The following NRXN3 variants were observed in gnomAD, a reference collection of about 807,000 sequenced individuals.
The protein encoded by NRXN3 is neurexin III.
In NRXN3, 32 loss-of-function variants were observed where a neutral mutation model predicts 137.6. The ratio of observed to expected loss-of-function variants is 0.23; its 90% CI spans 0.18 to 0.31. The LOEUF (loss-of-function observed/expected upper bound fraction) is 0.31. NRXN3 is among the 10% of genes least tolerant of loss of function. The pLI is 1.00. For missense variants in NRXN3, 1,574 were observed against 2,062.5 expected (o/e 0.76, Z 4.59); for synonymous variants, 798 against 784.5 (o/e 1.02, Z -0.29).
At chr14:79,178,105 G>T (rs925197135) in intron 15 of NRXN3, among the ~76,000 whole-genome samples, 15 of 152,182 alleles carry the variant, frequency 9.9e-5, no homozygotes, top group African/African-American at 3.6e-4. Context: ...CACTGGGTGG[G>T]CTGGAGCTAG....
chr14:78,655,712 A>G (rs1169840555), intron 6 of NRXN3, among the ~76,000 whole-genome samples: 1 of 152,178 alleles, frequency 6.6e-6, no homozygotes, highest in Admixed American at 6.5e-5. Context: ...TGATAACCTC[A>G]TGGAGCTCTG....
At chr14:79,357,801 C>T (rs1007492068) in intron 15 of NRXN3, among the ~76,000 whole-genome samples, 12 of 152,306 alleles carry the variant, frequency 7.9e-5, no homozygotes, top group African/African-American at 2.9e-4. Flanking sequence ...ATGAATGCCA[C>T]TCATAGAATT....
At chr14:78,293,939 A>G (rs1289231808) in intron 3 of NRXN3, among the ~76,000 whole-genome samples, 1 of 152,200 alleles carries the variant, frequency 6.6e-6, no homozygotes, top group Non-Finnish European at 1.5e-5. Context: ...AAAAGTCCTT[A>G]CCAATGCACT....
chr14:79,404,951 G>A (rs184724046), intron 15 of NRXN3, among the ~76,000 whole-genome samples: 3 of 152,122 alleles, frequency 2.0e-5, no homozygotes, highest in African/African-American at 2.4e-5. Flanking sequence ...CCAGTGGGTG[G>A]TGGTGAGAGA....
chr14:78,980,789 C>A (rs550650581), intron 14 of NRXN3, among the ~76,000 whole-genome samples: 49 of 152,256 alleles, frequency 3.2e-4, no homozygotes, highest in African/African-American at 1.0e-3. Context: ...GTACTAACAC[C>A]ATTGACATCT....
At chr14:79,530,360 A>T (rs1018965635) in intron 16 of NRXN3, among the ~76,000 whole-genome samples, 18 of 152,280 alleles carry the variant, frequency 1.2e-4, no homozygotes, top group African/African-American at 3.8e-4. Context: ...ATCAAAATTT[A>T]AAAAATTTTA....
intron 4 of NRXN3, among the ~76,000 whole-genome samples, chr14:78,306,817 G>A (rs1429637989): frequency 2.0e-5 from 3 of 152,114 alleles, no homozygotes; most frequent in Non-Finnish European, 4.4e-5. Flanking sequence ...GAGAGCCAAC[G>A]ATATGCTAGG....
chr14:79,047,679 G>A (rs2099635046), intron 15 of NRXN3, among the ~76,000 whole-genome samples: 1 of 152,138 alleles, frequency 6.6e-6, no homozygotes, highest in Admixed American at 6.5e-5. Context: ...CCCATGCAAA[G>A]ATATTCCACA....
At chr14:78,235,023 T>TATATATATATATATATAA (rs61371349) in intron 1 of NRXN3, among the ~76,000 whole-genome samples, 30 of 98,692 alleles carry the variant, frequency 3.0e-4, no homozygotes, top group African/African-American at 1.3e-3. Flanking sequence ...TATATATATA[T>TATATATATATATATATAA]GTGTATATAT....
intron 16 of NRXN3, among the ~76,000 whole-genome samples, chr14:79,573,768 A>G (rs902998803): frequency 1.3e-5 from 2 of 152,122 alleles, no homozygotes; most frequent in Non-Finnish European, 2.9e-5. Context: ...TCCGTGATGT[A>G]GTTGCTTATC....
chr14:78,555,347 T>C (rs1231461133), intron 4 of NRXN3, among the ~76,000 whole-genome samples: 11 of 152,204 alleles, frequency 7.2e-5, no homozygotes, highest in African/African-American at 2.7e-4. Context: ...ATGTAATGGA[T>C]TAGAGACTTT....
At chr14:79,803,955 A>ATGTGTGTG (rs2099192860) in intron 19 of NRXN3, among the ~76,000 whole-genome samples, 1 of 147,110 alleles carries the variant, frequency 6.8e-6, no homozygotes, top group South Asian at 2.1e-4. Flanking sequence ...GTATATATAT[A>ATGTGTGTG]TACATATATA....
chr14:78,324,554 G>T (rs1344525555), intron 4 of NRXN3, among the ~76,000 whole-genome samples: 2 of 152,088 alleles, frequency 1.3e-5, no homozygotes, highest in Non-Finnish European at 2.9e-5. Flanking sequence ...CAAATTAAGA[G>T]ATTACGCAAT....
chr14:79,272,489 C>A (rs958058221), intron 15 of NRXN3, among the ~76,000 whole-genome samples: 1 of 151,954 alleles, frequency 6.6e-6, no homozygotes, highest in African/African-American at 2.4e-5. Flanking sequence ...AATAGAAATT[C>A]TTAAAATATT....
chr14:79,259,080 C>T (rs1248048830), intron 15 of NRXN3, among the ~76,000 whole-genome samples: 1 of 152,042 alleles, frequency 6.6e-6, no homozygotes, highest in African/African-American at 2.4e-5. Context: ...CAGGTTGAGA[C>T]ACTTGCAAAA....
At chr14:79,540,881 A>G (rs61995207) in intron 16 of NRXN3, among the ~76,000 whole-genome samples, 41,425 of 152,070 alleles carry the variant, frequency 0.27, 6,525 homozygotes, top group African/African-American at 0.43. Flanking sequence ...AAGGACCACA[A>G]ACTTGGTGGA....
Position 78,242,828 on chromosome 14 carries a change from C to A in NRXN3, c.-266C>A. 1 of 457,438 alleles carries A rather than the reference C, an allele frequency of 2.2e-6. No homozygotes were observed. The highest frequency in any genetic ancestry group is 5.4e-5 in the South Asian group (1 of 18,406). The allele number at this position is 457,438 out of a possible 1,614,324, so 28.3% of individuals were successfully genotyped here. A position where few individuals can be genotyped will look rare whatever the true frequency, so the allele number is the denominator to read the frequency against. On this transcript the variant is annotated 5_prime_UTR_variant, in exon 2 of 21. In the 5' UTR this introduces an upstream ATG that the reference lacks. Transcript: ENST00000335750. ...TTACTCCAGTCCCTCACTTCCCCAC[C>A]TGATTTTCCTCCTCTTCTGCTGGTC...
chr14:78,232,590 G>A (rs577056221), intron 1 of NRXN3, among the ~76,000 whole-genome samples: 1 of 152,140 alleles, frequency 6.6e-6, no homozygotes, highest in East Asian at 1.9e-4. Context: ...CCGCTTTGTG[G>A]GGAAAGATCA....
intron 16 of NRXN3, among the ~76,000 whole-genome samples, chr14:79,536,423 T>G (rs2097211877): frequency 9.8e-6 from 1 of 102,012 alleles, no homozygotes; most frequent in Non-Finnish European, 2.1e-5. Flanking sequence ...GGTCACAACA[T>G]TTTTTTTTTA....
Sources: allele counts gnomAD v4.1 joint callset (sites outside exome capture counted in the v4.1 genomes callset), GRCh38; gene constraint gnomAD v4.1.1; transcripts MANE v1.5; gene names NCBI Gene and HGNC (gene_info 2026-07-23, HGNC 2026-07-21).